Variants in ROBO1 observed in about 807,000 individuals in gnomAD.
ROBO1 encodes the protein roundabout homolog 1.
Under a neutral mutation model 195.9 loss-of-function variants are expected in ROBO1, and 149 were observed. The observed-to-expected ratio is 0.76, with a 90% CI of 0.67 to 0.87. The LOEUF (loss-of-function observed/expected upper bound fraction) is 0.87, where lower values mean the gene tolerates loss of function less well. Ranked by LOEUF, ROBO1 falls within the 40% of genes least tolerant of loss-of-function variation. The probability of loss-of-function intolerance (pLI) is 0.00; values close to 1 mark genes in which losing one functional copy is unlikely to be tolerated. For synonymous variants in ROBO1, 816 were observed against 733.2 expected (o/e 1.11, Z -1.82); for missense variants, 1,933 against 2,068.3 (o/e 0.93, Z 1.27).
chr3:79,082,069 G>A (rs369415707), intron 3 of ROBO1, among the ~76,000 whole-genome samples: 7 of 152,120 alleles, frequency 4.6e-5, no homozygotes, highest in Middle Eastern at 3.5e-3. Flanking sequence ...TACCTAGAAA[G>A]CTAACTTTAA....
At chr3:79,011,959 G>A (rs2077791299) in intron 3 of ROBO1, among the ~76,000 whole-genome samples, 1 of 152,016 alleles carries the variant, frequency 6.6e-6, no homozygotes, top group African/African-American at 2.4e-5. Context: ...TTAGAGGAGA[G>A]CTTTGAGGAC....
At chr3:79,224,052 T>C (rs1318226400) in intron 2 of ROBO1, among the ~76,000 whole-genome samples, 1 of 151,886 alleles carries the variant, frequency 6.6e-6, no homozygotes, top group Admixed American at 6.6e-5. Flanking sequence ...GAAAAGAAAA[T>C]AAGCAAAACA....
intron 3 of ROBO1, among the ~76,000 whole-genome samples, chr3:78,951,179 C>T (rs1193654527): frequency 4.6e-5 from 7 of 151,702 alleles, no homozygotes; most frequent in East Asian, 1.9e-4. Flanking sequence ...CATAAGAGTA[C>T]GGATGAAAGC....
chr3:78,663,192 C>T (rs530585931), intron 14 of ROBO1, among the ~76,000 whole-genome samples: 5 of 151,172 alleles, frequency 3.3e-5, no homozygotes, highest in East Asian at 3.9e-4. Flanking sequence ...AGAATGAGAT[C>T]GCTAAGTATC....
At chr3:79,407,857 T>C (rs190219644) in intron 2 of ROBO1, among the ~76,000 whole-genome samples, 1 of 152,140 alleles carries the variant, frequency 6.6e-6, no homozygotes, top group Non-Finnish European at 1.5e-5. Flanking sequence ...ATTCGATGTA[T>C]AGTGAAGTTA....
At chr3:79,664,473 G>C (rs1189509827) in intron 1 of ROBO1, among the ~76,000 whole-genome samples, 1 of 151,966 alleles carries the variant, frequency 6.6e-6, no homozygotes, top group Non-Finnish European at 1.5e-5. Flanking sequence ...TGGATGCCTT[G>C]TCCTACATCT....
At chr3:79,713,865 G>T (rs1014699533) in intron 1 of ROBO1, among the ~76,000 whole-genome samples, 7 of 152,154 alleles carry the variant, frequency 4.6e-5, no homozygotes, top group African/African-American at 1.7e-4. Flanking sequence ...TTTCCCCATT[G>T]CTTGTTTTTG....
intron 1 of ROBO1, among the ~76,000 whole-genome samples, chr3:79,622,824 C>T (rs1945051084): frequency 6.6e-6 from 1 of 152,212 alleles, no homozygotes; most frequent in Non-Finnish European, 1.5e-5. Context: ...CAAAGTGCTT[C>T]ATTAAACAGG....
chr3:78,980,835 CATAAAG>C lies in ROBO1; in HGVS notation c.173-41914_173-41909del, dbSNP rs561738119. ...CCTGGTAAATACAGCTAAGATAACT[CATAAAG>C]AGAGATAATATTAACTATGAGGAAA... On this transcript the variant is annotated intron_variant, in intron 3 of 30. Transcript: ENST00000464233. Among the ~76,000 whole-genome samples, 299 of 152,080 alleles carry C rather than the reference CATAAAG, an allele frequency of 2.0e-3. 4 individuals are homozygous for C. The highest frequency in any genetic ancestry group is 6.3e-3 in the African/African-American group (260 of 41,498).
At chr3:78,900,768 G>A (rs1169536642) in intron 4 of ROBO1, among the ~76,000 whole-genome samples, 1 of 151,448 alleles carries the variant, frequency 6.6e-6, no homozygotes, top group Non-Finnish European at 1.5e-5. Context: ...TATATATATT[G>A]AGTCCCAGAA....
chr3:79,288,924 C>CT (rs538854230), intron 2 of ROBO1, among the ~76,000 whole-genome samples: 3 of 151,906 alleles, frequency 2.0e-5, no homozygotes, highest in African/African-American at 4.8e-5. Flanking sequence ...ATTTAGCGGT[C>CT]TTTTTTTCAC....
At chr3:79,018,501 G>C (rs369141094) in intron 3 of ROBO1, 1 of 1,612,520 alleles carries the variant, frequency 6.2e-7, no homozygotes, top group Non-Finnish European at 8.5e-7. Flanking sequence ...CATGCCAAGA[G>C]GAGGGAGTGG....
intron 4 of ROBO1, among the ~76,000 whole-genome samples, chr3:78,835,002 AT>A (rs1053932242): frequency 2.0e-5 from 3 of 152,160 alleles, no homozygotes; most frequent in Non-Finnish European, 2.9e-5. Context: ...ATAACAATAC[AT>A]TTAAATTTGT....
intron 2 of ROBO1, among the ~76,000 whole-genome samples, chr3:79,295,546 T>C (rs975141051): frequency 6.6e-6 from 1 of 152,124 alleles, no homozygotes; most frequent in African/African-American, 2.4e-5. Context: ...TGTATACCTA[T>C]GTAACAAACC....
intron 3 of ROBO1, among the ~76,000 whole-genome samples, chr3:79,101,548 T>A (rs941935790): frequency 6.6e-6 from 1 of 151,826 alleles, no homozygotes; most frequent in Non-Finnish European, 1.5e-5. Context: ...TGGAGCTTCA[T>A]ATTATCTCAC....
chr3:78,687,716 G>A (rs547543698), intron 9 of ROBO1, among the ~76,000 whole-genome samples: 3 of 152,212 alleles, frequency 2.0e-5, no homozygotes, highest in Admixed American at 6.5e-5. Context: ...TCTCTACCTC[G>A]TGGGCTCAAG....
At chr3:79,383,350 A>T (rs2036632894) in intron 2 of ROBO1, among the ~76,000 whole-genome samples, 1 of 152,030 alleles carries the variant, frequency 6.6e-6, no homozygotes, top group South Asian at 2.1e-4. Flanking sequence ...ATGAGAAAAA[A>T]ATTTCCGTAA....
intron 4 of ROBO1, among the ~76,000 whole-genome samples, chr3:78,861,433 C>G (rs897170113): frequency 9.9e-5 from 15 of 152,156 alleles, no homozygotes; most frequent in Admixed American, 5.2e-4. Flanking sequence ...TGACACTAGA[C>G]TTTAATTTTC....
chr3:79,302,361 A>G (rs926110064), intron 2 of ROBO1, among the ~76,000 whole-genome samples: 2 of 152,250 alleles, frequency 1.3e-5, no homozygotes, highest in African/African-American at 4.8e-5. Context: ...TCTTGGAAAT[A>G]TCAGACTATA....
Sources: gnomAD v4.1 joint callset for allele counts (sites outside exome capture counted in the v4.1 genomes callset) on GRCh38, gnomAD v4.1.1 for gene constraint, MANE v1.5 for transcripts, NCBI Gene and HGNC (gene_info 2026-07-23, HGNC 2026-07-21) for gene names.